The following PKHD1 variants were observed in gnomAD, a reference collection of about 807,000 sequenced individuals.
PKHD1 encodes the protein PKHD1 ciliary IPT domain containing fibrocystin/polyductin, also known as fibrocystin.
Under a neutral mutation model 412.0 loss-of-function variants are expected in PKHD1, and 291 were observed. The ratio of observed to expected loss-of-function variants is 0.71; its 90% CI spans 0.64 to 0.78. PKHD1 has a LOEUF of 0.78. Among genes scored for constraint, PKHD1 ranks in the 30% least tolerant of loss-of-function variants. PKHD1 has a pLI of 0.00. For synonymous variants in PKHD1, 1,777 were observed against 1,821.5 expected, an observed-to-expected ratio of 0.98 and a Z score of 0.62; for missense variants, 4,825 against 4,950.7, an observed-to-expected ratio of 0.97 and a Z score of 0.76.
At chr6:52,029,167 T>C (rs1032360834) in intron 29 of PKHD1, among the ~76,000 whole-genome samples, 5 of 152,194 alleles carry the variant, frequency 3.3e-5, no homozygotes, top group Admixed American at 6.5e-5. Context: ...ACTGGTATTT[T>C]GCATTTGAGG....
At chr6:51,870,197 A>G (rs1775759693) in intron 47 of PKHD1, among the ~76,000 whole-genome samples, 1 of 152,184 alleles carries the variant, frequency 6.6e-6, no homozygotes, top group Non-Finnish European at 1.5e-5. Flanking sequence ...TGTGCTAGCT[A>G]CTAATAATTA....
intron 55 of PKHD1, among the ~76,000 whole-genome samples, chr6:51,771,440 G>A (rs376899002): frequency 2.0e-5 from 3 of 152,054 alleles, no homozygotes; most frequent in African/African-American, 7.2e-5. Flanking sequence ...TGACTGACAT[G>A]GTGAAACATC....
At chr6:51,941,187 C>T (rs1382673232) in intron 36 of PKHD1, among the ~76,000 whole-genome samples, 5 of 149,926 alleles carry the variant, frequency 3.3e-5, no homozygotes, top group South Asian at 2.1e-4. Context: ...TCCCACAGCA[C>T]GCTTTAAAAG....
intron 56 of PKHD1, 124 bp downstream of exon 56, chr6:51,754,660 G>C: frequency 1.2e-6 from 1 of 806,104 alleles, no homozygotes; most frequent in Admixed American, 1.8e-5. Flanking sequence ...CATGAGTCTA[G>C]GTCAACAGGA....
intron 23 of PKHD1, 94 bp from the exon 24 acceptor site, chr6:52,046,282 T>A (rs977250822): frequency 3.0e-6 from 3 of 985,720 alleles, no homozygotes; most frequent in Non-Finnish European, 4.9e-6. Context: ...CATACTAGGA[T>A]GCCTATCAAA....
chr6:51,736,400 G>C (rs1783849471), intron 60 of PKHD1, among the ~76,000 whole-genome samples: 1 of 152,156 alleles, frequency 6.6e-6, no homozygotes, highest in Admixed American at 6.5e-5. Flanking sequence ...GACAAAATAA[G>C]GTGAAGGAAA....
At chr6:51,974,252 A>G (rs1794065416) in intron 35 of PKHD1, among the ~76,000 whole-genome samples, 1 of 152,196 alleles carries the variant, frequency 6.6e-6, no homozygotes, top group South Asian at 2.1e-4. Context: ...AGAAAGAAAA[A>G]AAAACATTTT....
intron 51 of PKHD1, among the ~76,000 whole-genome samples, chr6:51,835,774 C>G (rs1269427419): frequency 1.3e-5 from 2 of 152,188 alleles, no homozygotes; most frequent in African/African-American, 4.8e-5. Flanking sequence ...GGAATTAGAT[C>G]ATTTTCTGAT....
chr6:51,990,940 C>A (rs1031457452), intron 35 of PKHD1, among the ~76,000 whole-genome samples: 2 of 152,204 alleles, frequency 1.3e-5, no homozygotes, highest in Non-Finnish European at 2.9e-5. Context: ...GGAGCTAATA[C>A]TATCTACTCA....
At chr6:51,708,536 T>C (rs1021178328) in intron 60 of PKHD1, among the ~76,000 whole-genome samples, 2 of 152,206 alleles carry the variant, frequency 1.3e-5, no homozygotes, top group Non-Finnish European at 2.9e-5. Context: ...TAACATGGGT[T>C]ATTATATATT....
chr6:51,782,042 A>G (rs182977658), intron 53 of PKHD1, among the ~76,000 whole-genome samples: 94 of 96,042 alleles, frequency 9.8e-4, no homozygotes, highest in African/African-American at 2.8e-3. Flanking sequence ...AATAGTTTAT[A>G]ATAAATTTAT....
chr6:51,918,631 T>C (rs958467857), intron 37 of PKHD1, among the ~76,000 whole-genome samples: 2 of 152,224 alleles, frequency 1.3e-5, no homozygotes, highest in African/African-American at 4.8e-5. Context: ...TCTTTGCTAT[T>C]GTGAACAGTG....
intron 11 of PKHD1, among the ~76,000 whole-genome samples, chr6:52,068,654 T>C (rs1156753988): frequency 6.6e-6 from 1 of 152,204 alleles, no homozygotes; most frequent in Non-Finnish European, 1.5e-5. Flanking sequence ...GTAAGACACT[T>C]AACAAGGTCT....
At chr6:52,048,662 T>G (rs777130319) in intron 22 of PKHD1, 43 bp from the exon 23 acceptor site, 5 of 1,612,346 alleles carry the variant, frequency 3.1e-6, no homozygotes, top group Admixed American at 3.3e-5. Context: ...TGGGTTGGGG[T>G]GTGCACCTAG....
intron 64 of PKHD1, among the ~76,000 whole-genome samples, chr6:51,633,353 T>C (rs1392176846): frequency 6.6e-6 from 1 of 152,164 alleles, no homozygotes; most frequent in African/African-American, 2.4e-5. Context: ...TTATTATTTA[T>C]GAAATGAGTC....
chr6:51,772,853 T>C (rs1304900788), intron 54 of PKHD1, 64 bp from the exon 55 acceptor site: 1 of 892,490 alleles, frequency 1.1e-6, no homozygotes, highest in African/African-American at 1.6e-5. Context: ...GCCAGGTAAG[T>C]AAAAGTCATT....
chr6:52,085,066 A>G (rs545614998), intron 1 of PKHD1, 49 bp from the exon 2 acceptor site: 7 of 723,622 alleles, frequency 9.7e-6, no homozygotes, highest in African/African-American at 6.9e-5. Flanking sequence ...TTGTTTACAT[A>G]CGATTATTTT....
intron 37 of PKHD1, among the ~76,000 whole-genome samples, chr6:51,927,094 T>A (rs9474113): frequency 0.037 from 5,624 of 152,230 alleles, 377 homozygotes; most frequent in African/African-American, 0.13. Context: ...AAATACTTTT[T>A]TAATTTTCCT....
At chr6:52,081,527 C>A (rs1240276033) in intron 4 of PKHD1, among the ~76,000 whole-genome samples, 2 of 151,364 alleles carry the variant, frequency 1.3e-5, no homozygotes, top group African/African-American at 4.9e-5. Context: ...CACAGGGTCA[C>A]TAAGGCTACA....
Sources: gnomAD v4.1 joint callset for allele counts (sites outside exome capture counted in the v4.1 genomes callset) on GRCh38, gnomAD v4.1.1 for gene constraint, MANE v1.5 for transcripts, NCBI Gene and HGNC (gene_info 2026-07-23, HGNC 2026-07-21) for gene names.